The following TMCO6 variants were observed in gnomAD, a reference collection of about 807,000 sequenced individuals.
The protein encoded by TMCO6 is transmembrane and coiled-coil domain-containing protein 6.
A neutral mutation model predicts 61.8 loss-of-function variants in TMCO6; 47 were observed. That is an observed-to-expected ratio of 0.76 (90% CI 0.60 to 0.97). TMCO6 has a LOEUF of 0.97. TMCO6 is among the 50% of genes least tolerant of loss of function. The pLI, the probability that TMCO6 is intolerant of heterozygous loss-of-function variation, is 0.00. For missense variants in TMCO6, 557 were observed against 601.6 expected, an observed-to-expected ratio of 0.93 and a Z score of 0.78; for synonymous variants, 261 against 254.2, an observed-to-expected ratio of 1.03 and a Z score of -0.25.
the TMCO6 span, among the ~76,000 whole-genome samples, chr5:140,597,428 A>G: frequency 3.3e-5 from 5 of 152,138 alleles, no homozygotes; most frequent in Non-Finnish European, 7.3e-5. Flanking sequence ...CTTCCATTCA[A>G]TCTTGTTAAA....
chr5:140,635,102 C>T (rs1481015170), upstream of TMCO6, among the ~76,000 whole-genome samples: 1 of 152,222 alleles, frequency 6.6e-6, no homozygotes, highest in African/African-American at 2.4e-5. Flanking sequence ...TTTAAATTCC[C>T]ACTTCCTCTT....
At chr5:140,611,120 T>C in the TMCO6 span, among the ~76,000 whole-genome samples, 1 of 152,218 alleles carries the variant, frequency 6.6e-6, no homozygotes, top group East Asian at 1.9e-4. Context: ...GAGGGGCTTC[T>C]AACCAAGTTA....
the TMCO6 span, among the ~76,000 whole-genome samples, chr5:140,611,889 T>C: frequency 1.3e-5 from 2 of 152,214 alleles, no homozygotes; most frequent in African/African-American, 4.8e-5. Flanking sequence ...TGTCTTCCAT[T>C]ACATGTGATT....
the TMCO6 span, among the ~76,000 whole-genome samples, chr5:140,627,327 A>C: frequency 6.6e-6 from 1 of 152,166 alleles, no homozygotes; most frequent in African/African-American, 2.4e-5. Flanking sequence ...GCTAGAGGGC[A>C]TGGCTAACTC....
rs1561946599 is a variant in TMCO6 at position 140,641,336 on chromosome 5, C to G, written c.199-329C>G. ...AGTGTAGGTTGCATGGGGAGAATGG[C>G]TAGAGGAGTAGGTTTTGCCAGGCTG... On this transcript the variant is annotated intron_variant, in intron 2 of 11. Coordinates refer to ENST00000394671, the MANE Select transcript of TMCO6 (RefSeq NM_018502.5). The G allele has an allele frequency of 5.8e-5, 15 of 260,262 alleles. No individual in the cohort carries two copies. The South Asian group carries it at 9.2e-4, about 16-fold the overall frequency. The allele number at this position is 260,262 out of a possible 1,614,324, so 16.1% of individuals were successfully genotyped here.
the TMCO6 span, among the ~76,000 whole-genome samples, chr5:140,616,190 C>A: frequency 7.3e-6 from 1 of 137,748 alleles, no homozygotes; most frequent in Non-Finnish European, 1.6e-5. Context: ...TTAGATTTAG[C>A]AATAATTTCT....
chr5:140,611,573 T>C, the TMCO6 span, among the ~76,000 whole-genome samples: 1 of 152,214 alleles, frequency 6.6e-6, no homozygotes, highest in Non-Finnish European at 1.5e-5. Flanking sequence ...AGTGGCAGTG[T>C]TTGTCCAAGA....
chr5:140,597,736 G>A, the TMCO6 span, among the ~76,000 whole-genome samples: 4 of 152,174 alleles, frequency 2.6e-5, no homozygotes, highest in Admixed American at 6.5e-5. Flanking sequence ...ATATAGATTA[G>A]GGCTATATAG....
chr5:140,612,206 C>T, the TMCO6 span, among the ~76,000 whole-genome samples: 1 of 152,174 alleles, frequency 6.6e-6, no homozygotes. Flanking sequence ...ACCAACCATC[C>T]GACCACAAAG....
the TMCO6 span, chr5:140,632,703 A>T: frequency 1.2e-5 from 19 of 1,613,558 alleles, no homozygotes; most frequent in Non-Finnish European, 1.6e-5. The surrounding 1 kb of genome is among the most constrained non-coding windows in gnomAD (Gnocchi z 6.2). Context: ...TCCCACTGTG[A>T]GCCGCCGCAC....
At chr5:140,642,091 A>T in intron 4 of TMCO6, 38 bp downstream of exon 4, 1 of 1,578,280 alleles carries the variant, frequency 6.3e-7, no homozygotes, top group South Asian at 1.1e-5. Flanking sequence ...CTTGGTTTAG[A>T]TTTTAAAATT....
At chr5:140,646,887 G>A (rs947661587), downstream of TMCO6, among the ~76,000 whole-genome samples, 1 of 152,180 alleles carries the variant, frequency 6.6e-6, no homozygotes, top group Non-Finnish European at 1.5e-5. Flanking sequence ...ACTCAGCACA[G>A]GGCCCAGCTC....
chr5:140,645,951 A>G (rs1757368386), downstream of TMCO6, among the ~76,000 whole-genome samples: 1 of 151,522 alleles, frequency 6.6e-6, no homozygotes. Flanking sequence ...ATTTATTATT[A>G]ACTACGGTGA....
chr5:140,615,881 C>T, the TMCO6 span, among the ~76,000 whole-genome samples: 1 of 152,112 alleles, frequency 6.6e-6, no homozygotes, highest in African/African-American at 2.4e-5. Flanking sequence ...GTGTGCAATC[C>T]CAGCTCTTTG....
chr5:140,647,223 C>A (rs761986855), downstream of TMCO6: 2 of 1,522,006 alleles, frequency 1.3e-6, no homozygotes, highest in Non-Finnish European at 1.8e-6. Flanking sequence ...GTTCCCCTAC[C>A]GGAGCCCCAG....
At chr5:140,621,527 A>G in the TMCO6 span, among the ~76,000 whole-genome samples, 37 of 152,282 alleles carry the variant, frequency 2.4e-4, no homozygotes, top group East Asian at 6.4e-3. Flanking sequence ...CTATGTGATA[A>G]TTGCATTAAC....
intron 9 of TMCO6, 47 bp from the exon 10 acceptor site, chr5:140,644,053 G>C (rs555669166): frequency 1.2e-5 from 20 of 1,613,114 alleles, no homozygotes; most frequent in Non-Finnish European, 1.6e-5. Context: ...AGTATTGACA[G>C]GGGTGGTGGG....
the TMCO6 span, among the ~76,000 whole-genome samples, chr5:140,603,976 G>A: frequency 6.6e-6 from 1 of 152,096 alleles, no homozygotes; most frequent in East Asian, 1.9e-4. Flanking sequence ...GAGAGTTCCT[G>A]TTTTTCCACA....
intron 6 of TMCO6, 104 bp downstream of exon 6, chr5:140,642,775 A>G (rs191565466): frequency 6.3e-7 from 1 of 1,582,614 alleles, no homozygotes; most frequent in African/African-American, 1.3e-5. Flanking sequence ...TTTTAAATTC[A>G]TGTGTCTGGC....
Sources: gnomAD v4.1 joint callset for allele counts (sites outside exome capture counted in the v4.1 genomes callset) on GRCh38, gnomAD v4.1.1 for gene constraint, Gnocchi (gnomAD v3.1) non-coding constraint, MANE v1.5 for transcripts, NCBI Gene and HGNC (gene_info 2026-07-23, HGNC 2026-07-21) for gene names.